NBPF12: variants seen among roughly 807,000 people sequenced by gnomAD.
The protein encoded by NBPF12 is NBPF family member NBPF12.
Under a neutral mutation model 146.4 loss-of-function variants are expected in NBPF12, and 115 were observed. The ratio of observed to expected loss-of-function variants is 0.79; its 90% CI spans 0.68 to 0.92. The LOEUF (loss-of-function observed/expected upper bound fraction) is 0.92. NBPF12 is among the 40% of genes least tolerant of loss of function. NBPF12 has a pLI of 0.00. For missense variants in NBPF12, 1,205 were observed against 1,326.8 expected (o/e 0.91, Z 1.43); for synonymous variants, 385 against 508.9 (o/e 0.76, Z 3.28).
chr1:146,963,831 C>A (rs1171666990), intron 6 of NBPF12, among the ~76,000 whole-genome samples: 1 of 145,722 alleles, frequency 6.9e-6, no homozygotes, highest in African/African-American at 2.6e-5. Flanking sequence ...TTGGAGAAGG[C>A]ACTTGATGTG....
rs1447655475 is a variant in NBPF12, at chr1:146,984,515, A to G, written c.2667-298A>G. 2.5e-4 allele frequency among the ~76,000 whole-genome samples: 38 copies of G among 150,046 alleles called. No homozygotes were observed. In the East Asian group the frequency reaches 6.9e-3, roughly 27 times the overall value. ...GTTCACTGTGTGTCCTGAGAGCACAAATACAGAGTGTCCTTTGACTCCCTC... is the reference window on the plus strand; with the variant it reads ...GTTCACTGTGTGTCCTGAGAGCACAGATACAGAGTGTCCTTTGACTCCCTC... On this transcript the variant is annotated intron_variant, in intron 21 of 33. Coordinates refer to ENST00000617844, the Ensembl canonical transcript of NBPF12.
chr1:146,940,766 A>G (rs1654762649), intron 1 of NBPF12, among the ~76,000 whole-genome samples: 1 of 152,002 alleles, frequency 6.6e-6, no homozygotes, highest in African/African-American at 2.4e-5. Context: ...GTTACCCCAC[A>G]TCCTTGCTGA....
upstream of NBPF12, among the ~76,000 whole-genome samples, chr1:146,946,241 G>A (rs1211786230): frequency 6.6e-6 from 1 of 151,002 alleles, no homozygotes; most frequent in Non-Finnish European, 1.5e-5. Flanking sequence ...TAAAATTGCT[G>A]TAAGTACTTA....
intron 25 of NBPF12, among the ~76,000 whole-genome samples, chr1:146,987,579 A>T (rs1246087325): frequency 1.3e-5 from 2 of 151,840 alleles, no homozygotes; most frequent in Admixed American, 6.6e-5. Flanking sequence ...CAGTCTTTTC[A>T]TGATCACTGT....
Position 146,992,605 on chromosome 1 carries a change from C to G in NBPF12, c.3849-107C>G. 4 of 708,320 alleles carry G rather than the reference C, an allele frequency of 5.6e-6. 1 individual carries two copies. Among genetic ancestry groups the G allele is most frequent in the South Asian group, 1.4e-5 (1 of 71,574 alleles). The allele number at this position is 708,320 out of a possible 1,614,324, so 43.9% of individuals were successfully genotyped here. A position where few individuals can be genotyped will look rare whatever the true frequency, so the allele number is the denominator to read the frequency against. ...TTGTTACCTCATTAATGGATCTATC[C>G]TTTTACTTTTTTTAACCACTTCCTT... On this transcript the variant is annotated intron_variant, in intron 31 of 33. Coordinates refer to ENST00000617844, the Ensembl canonical transcript of NBPF12.
chr1:146,978,147 T>C (rs1294864097), intron 18 of NBPF12, among the ~76,000 whole-genome samples: 13 of 151,704 alleles, frequency 8.6e-5, no homozygotes, highest in Non-Finnish European at 1.3e-4. Flanking sequence ...GAAATCAGGA[T>C]GGAAACTTTT....
intron 25 of NBPF12, among the ~76,000 whole-genome samples, 193 bp from the exon 29 acceptor site, chr1:146,987,761 C>CT (rs1657884057): frequency 7.5e-6 from 1 of 133,752 alleles, no homozygotes; most frequent in Non-Finnish European, 1.5e-5. Flanking sequence ...GTGTGTGTGT[C>CT]TGTCTTTCTC....
upstream of NBPF12, among the ~76,000 whole-genome samples, chr1:146,946,535 T>TTTTTC (rs1655078970): frequency 7.4e-6 from 1 of 135,488 alleles, no homozygotes; most frequent in Non-Finnish European, 1.6e-5. Context: ...TTTTTTTTTT[T>TTTTTC]TTTGCTTTGT....
intron 9 of NBPF12, among the ~76,000 whole-genome samples, chr1:146,967,022 GTTC>G (rs1656254976): frequency 6.6e-6 from 1 of 151,236 alleles, no homozygotes; most frequent in South Asian, 2.1e-4. Context: ...CTAGTCTGTT[GTTC>G]TAAATATCTG....
At chr1:146,994,268 C>G in intron 33 of NBPF12, 64 bp from the exon 37 acceptor site, 2 of 1,610,916 alleles carry the variant, frequency 1.2e-6, no homozygotes, top group Non-Finnish European at 1.7e-6. Context: ...CTTCTGAAAT[C>G]TAGTGAGGCT....
At chr1:146,945,121 TTTC>T (rs1419361468), upstream of NBPF12, among the ~76,000 whole-genome samples, 66 of 149,196 alleles carry the variant, frequency 4.4e-4, no homozygotes, top group South Asian at 0.011. Context: ...CATTCTTTCC[TTTC>T]TTCTTTTCTT....
At chr1:146,940,371 A>T in intron 1 of NBPF12, among the ~76,000 whole-genome samples, 1 of 152,054 alleles carries the variant, frequency 6.6e-6, no homozygotes, top group East Asian at 1.9e-4. Flanking sequence ...CGGGAGGCCA[A>T]GGTGGGCGGA....
In NBPF12 at chr1:146,963,010, A is replaced by T. The variant is rs1485102804; in HGVS notation, c.279-85A>T. 5 of 1,418,862 alleles carry T rather than the reference A, an allele frequency of 3.5e-6. No homozygotes were observed. In the African/African-American group the frequency reaches 5.7e-5, roughly 16 times the overall value. 87.9% of individuals were successfully genotyped at this position (1,418,862 alleles called of 1,614,324 possible). Reference sequence around the variant, plus strand: ...TCTGCTTGAAGGTCTCCTTGAGAACATTGTCTCAGAAATCTCTGTTGCAAT... The same window carrying T: ...TCTGCTTGAAGGTCTCCTTGAGAACTTTGTCTCAGAAATCTCTGTTGCAAT... On this transcript the variant is annotated intron_variant, in intron 5 of 33. Transcript: ENST00000617844.
chr1:146,980,500 G>C (rs1309992192), intron 19 of NBPF12, among the ~76,000 whole-genome samples: 1 of 151,486 alleles, frequency 6.6e-6, no homozygotes, highest in Non-Finnish European at 1.5e-5. Flanking sequence ...GCTCTTTTTG[G>C]GCAGGCCTGG....
intron 4 of NBPF12, among the ~76,000 whole-genome samples, chr1:146,961,205 T>C (rs1241149589): frequency 1.1e-4 from 16 of 151,852 alleles, no homozygotes. Context: ...GAGAGTACCT[T>C]GGTGAGAGTG....
At chr1:146,968,988 C>T (rs1456196336) in intron 10 of NBPF12, among the ~76,000 whole-genome samples, 11 of 151,518 alleles carry the variant, frequency 7.3e-5, no homozygotes, top group South Asian at 2.1e-4. Context: ...CAATTCACCC[C>T]ATCTGCATCT....
intron 21 of NBPF12, 149 bp downstream of exon 24, chr1:146,984,334 G>A (rs1467153028): frequency 6.2e-6 from 4 of 642,934 alleles, no homozygotes; most frequent in Admixed American, 2.7e-5. Flanking sequence ...GTTCTCATTA[G>A]AGTAAATGTT....
At position 146,966,251 on chromosome 1, in the gene NBPF12, T is replaced by G. The variant is rs1255013653; in HGVS notation, c.779-213T>G. 3.0e-4 allele frequency among the ~76,000 whole-genome samples: 46 copies of G among 152,034 alleles called. 3 individuals carry two copies. The highest frequency in any genetic ancestry group is 1.1e-3 in the African/African-American group (44 of 41,340). On this transcript the variant is annotated intron_variant, in intron 8 of 33. Transcript: ENST00000617844. ...TAGAAACGTATAAGCAAGAAAAGTG[T>G]AGAAGTGTTTATGTCCTGCTTTAAA...
At chr1:146,940,555 C>CAA (rs1176310781) in intron 1 of NBPF12, among the ~76,000 whole-genome samples, 3 of 133,632 alleles carry the variant, frequency 2.2e-5, no homozygotes, top group Non-Finnish European at 3.3e-5. Flanking sequence ...AACCCTGCCT[C>CAA]AAAAAAAAAA....
Sources: allele counts gnomAD v4.1 joint callset (sites outside exome capture counted in the v4.1 genomes callset), GRCh38; gene constraint gnomAD v4.1.1; transcripts MANE v1.5; gene names NCBI Gene and HGNC (gene_info 2026-07-23, HGNC 2026-07-21).